The following SAMD12 variants were observed in gnomAD, a reference collection of about 807,000 sequenced individuals.
The protein encoded by SAMD12 is sterile alpha motif domain-containing protein 12.
SAMD12 carries 9 observed loss-of-function variants against 15.0 expected under a neutral mutation model. The ratio of observed to expected loss-of-function variants is 0.60; its 90% CI spans 0.36 to 1.05. The LOEUF (loss-of-function observed/expected upper bound fraction) is 1.05, where lower values mean the gene tolerates loss of function less well. Among genes scored for constraint, SAMD12 ranks in the 50% least tolerant of loss-of-function variants. The probability of loss-of-function intolerance (pLI) is 0.01; values close to 1 mark genes in which losing one functional copy is unlikely to be tolerated. For synonymous variants in SAMD12, 86 were observed against 90.1 expected (o/e 0.96, Z 0.25); for missense variants, 230 against 234.2 (o/e 0.98, Z 0.12).
intron 4 of SAMD12, among the ~76,000 whole-genome samples, chr8:118,362,698 C>T (rs755209882): frequency 4.9e-4 from 74 of 152,206 alleles, no homozygotes; most frequent in Non-Finnish European, 9.6e-4. Flanking sequence ...TCTTACATAG[C>T]AGATACTTCA....
rs1813981674 is a variant in SAMD12 at position 118,286,099 on chromosome 8, T to C, written c.434-88367A>G. On this transcript the variant is annotated intron_variant, in intron 4 of 4. Transcript: ENST00000409003. Reference sequence around the variant, plus strand: ...GCCAAACACTGCATGTTCTCACTCATAGGTGGGAATTGAACAATGAGAACA... The same window carrying C: ...GCCAAACACTGCATGTTCTCACTCACAGGTGGGAATTGAACAATGAGAACA... 4.9e-5 allele frequency among the ~76,000 whole-genome samples: 7 copies of C among 142,382 alleles called. No homozygotes were observed. In the South Asian group the frequency reaches 1.6e-3, roughly 32 times the overall value. 93.4% of individuals were successfully genotyped at this position (142,382 alleles called of 152,430 possible). A position where few individuals can be genotyped will look rare whatever the true frequency, so the allele number is the denominator to read the frequency against.
chr8:118,253,139 G>A (rs954653777), intron 4 of SAMD12, among the ~76,000 whole-genome samples: 1 of 152,296 alleles, frequency 6.6e-6, no homozygotes, highest in African/African-American at 2.4e-5. Flanking sequence ...TTCTTCATGA[G>A]CCAGCTAAAG....
the SAMD12 span, among the ~76,000 whole-genome samples, chr8:118,168,355 C>T: frequency 1.3e-5 from 2 of 152,334 alleles, no homozygotes; most frequent in African/African-American, 4.8e-5. Flanking sequence ...TCTCTTTCCA[C>T]ATTCCAGTGA....
At chr8:118,449,426 T>C (rs1056831558) in intron 2 of SAMD12, among the ~76,000 whole-genome samples, 7 of 152,016 alleles carry the variant, frequency 4.6e-5, no homozygotes, top group Non-Finnish European at 7.4e-5. Flanking sequence ...GTGTTAGGTA[T>C]AGTCAGCTAA....
At chr8:118,530,898 G>C (rs1458805398) in intron 2 of SAMD12, among the ~76,000 whole-genome samples, 1 of 152,176 alleles carries the variant, frequency 6.6e-6, no homozygotes, top group Non-Finnish European at 1.5e-5. Flanking sequence ...CTGGAGTGCA[G>C]TGATGCAATC....
intron 2 of SAMD12, among the ~76,000 whole-genome samples, chr8:118,521,512 C>A (rs765005484): frequency 2.0e-5 from 3 of 152,186 alleles, no homozygotes; most frequent in Non-Finnish European, 2.9e-5. Context: ...ACCTTTCACA[C>A]TACTTCCATA....
chr8:118,278,991 C>T (rs919813430), intron 4 of SAMD12, among the ~76,000 whole-genome samples: 1 of 152,142 alleles, frequency 6.6e-6, no homozygotes, highest in African/African-American at 2.4e-5. Context: ...ACATGCTTTC[C>T]CAATGGGCTT....
chr8:118,498,247 C>T (rs1824683215), intron 2 of SAMD12, among the ~76,000 whole-genome samples: 1 of 152,132 alleles, frequency 6.6e-6, no homozygotes. Context: ...ACAGTCTCAG[C>T]TTAAGGGTCC....
intron 2 of SAMD12, among the ~76,000 whole-genome samples, chr8:118,475,137 G>A (rs952808948): frequency 7.2e-5 from 11 of 152,188 alleles, no homozygotes; most frequent in Admixed American, 3.3e-4. Context: ...TACTCAGGAG[G>A]CTGAGGCAGG....
At position 118,272,561 on chromosome 8, in the gene SAMD12, T is replaced by C. The variant is rs192344633; in HGVS notation, c.434-74829A>G. On this transcript the variant is annotated intron_variant, in intron 4 of 4. Transcript: ENST00000409003. ...TATCCCCAGAAAATGGGGTTTTCTT[T>C]TCTGTTGCATCGTCATGCTGCAAAA... 1.6e-3 allele frequency among the ~76,000 whole-genome samples: 250 copies of C among 152,330 alleles called. 2 individuals are homozygous for C. Among genetic ancestry groups the C allele is most frequent in the African/African-American group, 5.8e-3 (241 of 41,574 alleles).
At chr8:118,321,310 GGTT>G (rs1227148022) in intron 4 of SAMD12, among the ~76,000 whole-genome samples, 13,718 of 61,362 alleles carry the variant, frequency 0.22, 1,001 homozygotes, top group Non-Finnish European at 0.25. Flanking sequence ...TTTTTTTTTT[GGTT>G]TTTTTTTAAA....
chr8:118,170,508 G>A, the SAMD12 span, among the ~76,000 whole-genome samples: 6 of 152,146 alleles, frequency 3.9e-5, no homozygotes, highest in African/African-American at 1.4e-4. Flanking sequence ...GCATGCTACT[G>A]TAAAAATAAA....
intron 4 of SAMD12, among the ~76,000 whole-genome samples, chr8:118,372,664 T>TTC: frequency 6.6e-6 from 1 of 152,206 alleles, no homozygotes; most frequent in African/African-American, 2.4e-5. Flanking sequence ...CAGCTTTCTT[T>TTC]GTGTCAAACA....
At chr8:118,367,343 A>T (rs1818852974) in intron 4 of SAMD12, among the ~76,000 whole-genome samples, 1 of 152,202 alleles carries the variant, frequency 6.6e-6, no homozygotes, top group African/African-American at 2.4e-5. Context: ...GTTCTAAATC[A>T]ACTGACTCTC....
At chr8:118,317,408 T>A (rs1815974552) in intron 4 of SAMD12, among the ~76,000 whole-genome samples, 5 of 152,186 alleles carry the variant, frequency 3.3e-5, no homozygotes, top group Admixed American at 3.3e-4. Flanking sequence ...ATGGAATGCA[T>A]AAATAAACTG....
intron 4 of SAMD12, among the ~76,000 whole-genome samples, chr8:118,328,527 C>T (rs991240314): frequency 6.6e-6 from 1 of 152,144 alleles, no homozygotes; most frequent in Non-Finnish European, 1.5e-5. Context: ...ATGTTCTATT[C>T]TATATTTTAA....
downstream of SAMD12, among the ~76,000 whole-genome samples, chr8:118,187,849 G>A (rs1157028214): frequency 6.6e-6 from 1 of 152,100 alleles, no homozygotes; most frequent in East Asian, 1.9e-4. Context: ...AGGCTCAGTA[G>A]GCAGAAGGAA....
intron 4 of SAMD12, among the ~76,000 whole-genome samples, chr8:118,250,664 TTTTA>T (rs869145082): frequency 1.3e-5 from 2 of 151,922 alleles, no homozygotes; most frequent in African/African-American, 4.8e-5. Flanking sequence ...TGGCTAAATT[TTTTA>T]TTTATTTATT....
chr8:118,402,863 C>A (rs938157128), intron 3 of SAMD12, among the ~76,000 whole-genome samples: 1 of 152,142 alleles, frequency 6.6e-6, no homozygotes, highest in African/African-American at 2.4e-5. Context: ...AAGCCATCAT[C>A]TTATTGATCT....
Sources: gnomAD v4.1 joint callset for allele counts (sites outside exome capture counted in the v4.1 genomes callset) on GRCh38, gnomAD v4.1.1 for gene constraint, MANE v1.5 for transcripts, NCBI Gene and HGNC (gene_info 2026-07-23, HGNC 2026-07-21) for gene names.